Variants in GDNF observed in about 807,000 individuals in gnomAD.
GDNF encodes the protein glial cell derived neurotrophic factor.
GDNF carries 5 observed loss-of-function variants against 13.7 expected under a neutral mutation model. That is an observed-to-expected ratio of 0.36 (90% CI 0.19 to 0.77). The LOEUF (loss-of-function observed/expected upper bound fraction) is 0.77. Among genes scored for constraint, GDNF ranks in the 30% least tolerant of loss-of-function variants. The probability of loss-of-function intolerance (pLI) is 0.51; values close to 1 mark genes in which losing one functional copy is unlikely to be tolerated. For missense variants in GDNF, 246 were observed against 274.3 expected (o/e 0.90, Z 0.73); for synonymous variants, 122 against 112.5 (o/e 1.08, Z -0.53).
Position 37,815,492 on chromosome 5 carries a change from C to T in GDNF, c.*159G>A, listed in dbSNP as rs1348193492. On this transcript the variant is annotated 3_prime_UTR_variant, in exon 3 of 3. Coordinates refer to ENST00000326524, the MANE Select transcript of GDNF (RefSeq NM_000514.4). The surrounding 1 kb of genome is among the most constrained non-coding windows in gnomAD (Gnocchi z 5.0). Reference sequence around the variant, plus strand: ...AGGCTCCCATGATGGCTGCCTTCCTCCTCCTCCTCCTCCTCCTCCTCCTCC... The same window carrying T: ...AGGCTCCCATGATGGCTGCCTTCCTTCTCCTCCTCCTCCTCCTCCTCCTCC... 1.7e-6 allele frequency: 1 copy of T among 594,952 alleles called. No homozygotes were observed. The highest frequency in any genetic ancestry group is 3.0e-6 in the Non-Finnish European group (1 of 338,084). 36.9% of individuals were successfully genotyped at this position (594,952 alleles called of 1,614,324 possible).
chr5:37,836,233 C>T (rs1349953979), intron 1 of GDNF, among the ~76,000 whole-genome samples: 1 of 151,894 alleles, frequency 6.6e-6, no homozygotes, highest in Non-Finnish European at 1.5e-5. Flanking sequence ...AAATGCAAAA[C>T]CCAGGTTAAT....
At position 37,815,443 on chromosome 5, in the gene GDNF, T is replaced by C; in HGVS notation, c.*208A>G. On this transcript the variant is annotated 3_prime_UTR_variant, in exon 3 of 3. Coordinates refer to ENST00000326524, the MANE Select transcript of GDNF (RefSeq NM_000514.4). The surrounding 1 kb of genome is among the most constrained non-coding windows in gnomAD (Gnocchi z 5.0). ...GTTTTCTCTCTCTCCTGTCCAGTTG[T>C]CTGTAGCTGGATCTCCCTCTACCAG... 1.6e-6 allele frequency: 1 copy of C among 621,162 alleles called. No individual in the cohort carries two copies. Among genetic ancestry groups the C allele is most frequent in the Non-Finnish European group, 2.9e-6 (1 of 347,842 alleles). The allele number at this position is 621,162 out of a possible 1,614,324, so 38.5% of individuals were successfully genotyped here. A position where few individuals can be genotyped will look rare whatever the true frequency, so the allele number is the denominator to read the frequency against.
chr5:37,824,045 C>T (rs1750226371), intron 2 of GDNF: 2 of 983,596 alleles, frequency 2.0e-6, no homozygotes, highest in African/African-American at 1.7e-5. Context: ...TTTGAAATGA[C>T]CGTCATCAAT....
At chr5:37,821,908 AC>A (rs1334604364) in intron 2 of GDNF, among the ~76,000 whole-genome samples, 1 of 152,248 alleles carries the variant, frequency 6.6e-6, no homozygotes, top group Non-Finnish European at 1.5e-5. Context: ...GCAAGAGTGG[AC>A]AAAGTCTTTT....
intron 2 of GDNF, among the ~76,000 whole-genome samples, chr5:37,816,856 T>A (rs1434773748): frequency 1.3e-5 from 2 of 152,222 alleles, no homozygotes; most frequent in African/African-American, 4.8e-5. Flanking sequence ...AACTATAGTT[T>A]AAAATTTCCT....
rs756008999 is a variant in GDNF, at chr5:37,835,633, C to A, written c.-26-811G>T. On this transcript the variant is annotated intron_variant, in intron 1 of 2. Coordinates refer to ENST00000326524, the MANE Select transcript of GDNF (RefSeq NM_000514.4). ...TAGTAAGAGCTCAGTAAATGCTTTACCATTGCTGTTAGGCAAAGACTGCAT... is the reference window on the plus strand; with the variant it reads ...TAGTAAGAGCTCAGTAAATGCTTTAACATTGCTGTTAGGCAAAGACTGCAT... 45 of 1,549,368 alleles carry A rather than the reference C, an allele frequency of 2.9e-5. 1 individual carries two copies. The South Asian group carries it at 5.0e-4, about 17-fold the overall frequency.
chr5:37,816,122 C>T lies in GDNF; in HGVS notation c.165G>A (p.Glu55=). ...CATCATCGAACTGATCAGGATAATCCTCTGGCATATTTGCTGTTCAAAAAG... is the reference window on the plus strand; with the variant it reads ...CATCATCGAACTGATCAGGATAATCTTCTGGCATATTTGCTGTTCAAAAAG... The part of the protein sequence containing the change: ...FALSSDSNMP[E]DYPDQFDDVM... The change falls in exon 3 of 3, where the codon GAG becomes GAA. Residue 55 remains glutamate, a synonymous_variant. Coordinates refer to ENST00000326524, the MANE Select transcript of GDNF (RefSeq NM_000514.4). The T allele has an allele frequency of 1.2e-6, 2 of 1,613,620 alleles. No individual in the cohort carries two copies. The highest frequency in any genetic ancestry group is 2.2e-5 in the South Asian group (2 of 91,068).
chr5:37,833,697 A>C (rs1750601862), intron 2 of GDNF, among the ~76,000 whole-genome samples: 1 of 152,194 alleles, frequency 6.6e-6, no homozygotes, highest in South Asian at 2.1e-4. Context: ...AGGGAAGAGT[A>C]GCCAGGGTGG....
chr5:37,826,104 G>A (rs987377640), intron 2 of GDNF, among the ~76,000 whole-genome samples: 15 of 152,152 alleles, frequency 9.9e-5, no homozygotes, highest in African/African-American at 3.6e-4. Flanking sequence ...AAGTGTGAGT[G>A]CTGGACTCAG....
At chr5:37,821,433 G>A (rs927015709) in intron 2 of GDNF, among the ~76,000 whole-genome samples, 1 of 151,904 alleles carries the variant, frequency 6.6e-6, no homozygotes, top group East Asian at 1.9e-4. Flanking sequence ...CACAAAAGAG[G>A]AGCATCATTA....
In GDNF at chr5:37,834,812, G is replaced by C; in HGVS notation, c.-16C>G. 1 of 1,612,432 alleles carries C rather than the reference G, an allele frequency of 6.2e-7. No homozygotes were observed. On this transcript the variant is annotated 5_prime_UTR_variant, in exon 2 of 3. Transcript: ENST00000326524. ...ATAACTTCATCTTAAAGTCCCGTCC[G>C]GCGGCGGCACCTGCGCGGGCAGGCG...
rs141310328 is a variant in GDNF at position 37,833,240 on chromosome 5, T to A, written c.151+1406A>T. Among the ~76,000 whole-genome samples, 9 of 152,296 alleles carry A rather than the reference T, an allele frequency of 5.9e-5. No homozygotes were observed. The East Asian group carries it at 1.5e-3, about 26-fold the overall frequency. ...GTCCCTCTTGTCTAGACCGTTTGAG[T>A]GAATGAATAGCCAGTTTTGGAAGAC... is the stretch of plus-strand genomic sequence containing the variant. On this transcript the variant is annotated intron_variant, in intron 2 of 2. Coordinates refer to ENST00000326524, the MANE Select transcript of GDNF (RefSeq NM_000514.4).
At position 37,821,052 on chromosome 5, in the gene GDNF, C is replaced by T. The variant is rs765300577; in HGVS notation, c.152-4917G>A. 7.2e-5 allele frequency among the ~76,000 whole-genome samples: 11 copies of T among 152,126 alleles called. No homozygotes were observed. The South Asian group carries it at 8.3e-4, about 11-fold the overall frequency. On this transcript the variant is annotated intron_variant, in intron 2 of 2. Transcript: ENST00000326524. ...ACAGGGCAAATAGGCCTGCATGTTC[C>T]GACTAAATGAGTTCATTCTTAGAGC...
At chr5:37,823,296 G>A (rs1440435073) in intron 2 of GDNF, 2 of 152,162 alleles carry the variant, frequency 1.3e-5, no homozygotes, top group South Asian at 4.1e-4. Context: ...TTCAAGTCTT[G>A]CAGCAGATGG....
intron 1 of GDNF, chr5:37,835,419 C>T: frequency 7.0e-7 from 1 of 1,421,066 alleles, no homozygotes; most frequent in Non-Finnish European, 9.2e-7. Context: ...ACACCTCATT[C>T]TTCCCACCTA....
chr5:37,834,603 G>C (rs766334945), intron 2 of GDNF, 43 bp downstream of exon 2: 6 of 1,424,394 alleles, frequency 4.2e-6, no homozygotes, highest in Non-Finnish European at 4.6e-6. Context: ...GGGTGCGAGG[G>C]GGTCCGCCGG....
chr5:37,819,408 A>G (rs1750041343), intron 2 of GDNF, among the ~76,000 whole-genome samples: 5 of 149,424 alleles, frequency 3.3e-5, no homozygotes. Flanking sequence ...TCCCTGAGTA[A>G]TGCTTTCTTA....
At chr5:37,818,377 A>G (rs1335048337) in intron 2 of GDNF, among the ~76,000 whole-genome samples, 3 of 152,200 alleles carry the variant, frequency 2.0e-5, no homozygotes, top group Admixed American at 6.5e-5. Context: ...ATTGTTTTAT[A>G]AAGTGCAGTT....
At chr5:37,833,935 A>G (rs1323507560) in intron 2 of GDNF, among the ~76,000 whole-genome samples, 1 of 152,200 alleles carries the variant, frequency 6.6e-6, no homozygotes, top group Non-Finnish European at 1.5e-5. Flanking sequence ...TTGAGAGGTA[A>G]ATCACAGACT....
Sources: allele counts gnomAD v4.1 joint callset (sites outside exome capture counted in the v4.1 genomes callset), GRCh38; gene constraint gnomAD v4.1.1; non-coding constraint Gnocchi (gnomAD v3.1); transcripts MANE v1.5; gene names NCBI Gene and HGNC (gene_info 2026-07-23, HGNC 2026-07-21).